NR1H3: variants seen among roughly 807,000 people sequenced by gnomAD.
The protein encoded by NR1H3 is oxysterols receptor LXR-alpha.
NR1H3 carries 19 observed loss-of-function variants against 48.1 expected under a neutral mutation model. The observed-to-expected ratio is 0.40, with a 90% CI of 0.28 to 0.58. The LOEUF (loss-of-function observed/expected upper bound fraction) is 0.58, where lower values mean the gene tolerates loss of function less well. NR1H3 is among the 20% of genes least tolerant of loss of function. The pLI is 0.50. For missense variants in NR1H3, 486 were observed against 595.9 expected, an observed-to-expected ratio of 0.82 and a Z score of 1.92; for synonymous variants, 232 against 227.3, an observed-to-expected ratio of 1.02 and a Z score of -0.19.
In NR1H3 at chr11:47,268,697, C is replaced by T; in HGVS notation, c.*1C>T. The T allele has an allele frequency of 6.2e-7, 1 of 1,613,552 alleles. No individual in the cohort carries two copies. The highest frequency in any genetic ancestry group is 1.1e-5 in the South Asian group (1 of 91,036). On this transcript the variant is annotated 3_prime_UTR_variant, in exon 10 of 10. Coordinates refer to ENST00000441012, the MANE Select transcript of NR1H3 (RefSeq NM_005693.4). ...TGAGATCTGGGATGTGCACGAATGA[C>T]TGTTCTGTCCCCATATTTTCTGTTT... is the stretch of plus-strand genomic sequence containing the variant.
At chr11:47,253,075 C>T (rs1253454680), upstream of NR1H3, among the ~76,000 whole-genome samples, 2 of 150,292 alleles carry the variant, frequency 1.3e-5, no homozygotes, top group African/African-American at 2.5e-5. Flanking sequence ...CCTCCTACCT[C>T]AGCCCCCCAA....
At chr11:47,248,766 C>G, upstream of NR1H3, 2 of 1,600,312 alleles carry the variant, frequency 1.2e-6, no homozygotes, top group Admixed American at 3.5e-5. Flanking sequence ...CCGCCCGGCT[C>G]CAGCCGGACC....
chr11:47,255,190 G>T (rs1019378965), upstream of NR1H3, among the ~76,000 whole-genome samples: 1 of 152,194 alleles, frequency 6.6e-6, no homozygotes, highest in African/African-American at 2.4e-5. Context: ...AGACAAGATT[G>T]TCCTGGACTC....
At chr11:47,248,975 G>A in exon 1 of NR1H3, 1 of 1,516,758 alleles carries the variant, frequency 6.6e-7, no homozygotes, top group Admixed American at 2.1e-5. Flanking sequence ...GTCGTGGTCT[G>A]GCTGTGGCGG....
At chr11:47,260,320 G>T in intron 3 of NR1H3, 89 bp from the exon 4 acceptor site, 1 of 1,493,478 alleles carries the variant, frequency 6.7e-7, no homozygotes. Context: ...GGGAATGAAG[G>T]TCACTGAGTG....
At chr11:47,250,731 T>C (rs919182955) in intron 1 of NR1H3, among the ~76,000 whole-genome samples, 2 of 152,228 alleles carry the variant, frequency 1.3e-5, no homozygotes, top group African/African-American at 4.8e-5. Flanking sequence ...TTATTACAGG[T>C]TTCATAAATC....
At chr11:47,255,892 C>T (rs1052074360), upstream of NR1H3, among the ~76,000 whole-genome samples, 1 of 151,348 alleles carries the variant, frequency 6.6e-6, no homozygotes, top group Non-Finnish European at 1.5e-5. Context: ...TGGTCTGGAA[C>T]TCCTGACCTC....
chr11:47,251,206 T>C (rs1954628878), intron 1 of NR1H3, among the ~76,000 whole-genome samples: 1 of 151,934 alleles, frequency 6.6e-6, no homozygotes, highest in African/African-American at 2.4e-5. Context: ...TAGTCTATAA[T>C]GGGCTGCTTC....
chr11:47,253,914 A>T (rs1954867961), upstream of NR1H3, among the ~76,000 whole-genome samples: 1 of 152,100 alleles, frequency 6.6e-6, no homozygotes, highest in South Asian at 2.1e-4. Context: ...TGGGAACATG[A>T]TTCCAGCTGC....
chr11:47,262,067 C>G (rs758742055), intron 7 of NR1H3, 49 bp downstream of exon 7: 1 of 1,372,876 alleles, frequency 7.3e-7, no homozygotes, highest in East Asian at 2.3e-5. Flanking sequence ...ACAGATGCTT[C>G]TTTTTTTATT....
In NR1H3 at chr11:47,268,594, C is replaced by A. The variant is rs780646226; in HGVS notation, c.1242C>A (p.Leu414=). The A allele has an allele frequency of 3.7e-6, 6 of 1,614,086 alleles. No individual in the cohort carries two copies. The highest frequency in any genetic ancestry group is 5.1e-6 in the Non-Finnish European group (6 of 1,180,040). The change falls in exon 10 of 10, where the codon CTC becomes CTA. Residue 414 remains leucine (L), a synonymous_variant. Coordinates refer to ENST00000441012, the MANE Select transcript of NR1H3 (RefSeq NM_005693.4). ...GGATGCTAATGAAACTGGTGAGCCT[C>A]CGGACCCTGAGCAGCGTCCACTCAG... The part of the protein sequence containing the change: ...FPRMLMKLVS[L]RTLSSVHSEQ...
chr11:47,248,510 C>T (rs1954315041), upstream of NR1H3: 2 of 1,551,126 alleles, frequency 1.3e-6, no homozygotes, highest in Non-Finnish European at 8.7e-7. Flanking sequence ...CATCCTGACT[C>T]CCATAAGCCA....
chr11:47,258,073 CCAGCAAGGGGGCTCCAG>C lies in NR1H3; in HGVS notation c.-93_-77del. The C allele has an allele frequency of 5.1e-6, 5 of 985,506 alleles. No homozygotes were observed. Among genetic ancestry groups the C allele is most frequent in the Non-Finnish European group, 6.0e-6 (5 of 830,100 alleles). 61.0% of individuals were successfully genotyped at this position (985,506 alleles called of 1,614,324 possible). On this transcript the variant is annotated 5_prime_UTR_variant, in exon 1 of 10. Coordinates refer to ENST00000441012, the MANE Select transcript of NR1H3 (RefSeq NM_005693.4). ...CAGGAAACTGCACCATCCTCTTCTC[CCAGCAAGGGGGCTCCAG>C]AGACTGCCCACCCAGGAAGTCTGGT...
chr11:47,261,364 C>G lies in NR1H3; in HGVS notation c.623C>G (p.Pro208Arg), dbSNP rs138301852. 103 of 1,614,114 alleles carry G rather than the reference C, an allele frequency of 6.4e-5. No homozygotes were observed. The African/African-American group carries it at 1.3e-3, about 20-fold the overall frequency. The change falls in exon 5 of 10, where the codon CCG becomes CGG. Residue 208 changes from proline (P) to arginine (R), a missense_variant. Transcript: ENST00000441012. ...CCCCAAATCCTGCCCCAGCTCAGCC[C>G]GGAACAACTGGGCATGATCGAGAAG... is the stretch of plus-strand genomic sequence containing the variant. ...SPPQILPQLS[P>R]EQLGMIEKLV...
At chr11:47,259,499 G>A (rs765481621) in intron 2 of NR1H3, 3 of 1,538,408 alleles carry the variant, frequency 2.0e-6, no homozygotes, top group African/African-American at 2.8e-5. Context: ...GGCCAGCTGA[G>A]TGCTTACCCT....
At chr11:47,267,486 C>T (rs941370257) in intron 7 of NR1H3, among the ~76,000 whole-genome samples, 1 of 151,372 alleles carries the variant, frequency 6.6e-6, no homozygotes, top group Admixed American at 6.6e-5. Flanking sequence ...GACATTTGCT[C>T]AAGGTTACAC....
At position 47,268,324 on chromosome 11, in the gene NR1H3, T is replaced by C. The variant is rs1159271979; in HGVS notation, c.1166T>C (p.Leu389Pro). ...ERLQHTYVEA[L>P]HAYVSIHHPH... is the part of the protein sequence containing the mutation. ...CTGCAGCACACATATGTGGAAGCCC[T>C]GCATGCCTACGTCTCCATCCACCAT... The change falls in exon 9 of 10, where the codon CTG becomes CCG. Residue 389 changes from leucine (L) to proline (P), a missense_variant. Coordinates refer to ENST00000441012, the MANE Select transcript of NR1H3 (RefSeq NM_005693.4). 6.2e-7 allele frequency: 1 copy of C among 1,614,136 alleles called. No individual in the cohort carries two copies. The highest frequency in any genetic ancestry group is 1.7e-5 in the Admixed American group (1 of 60,022).
intron 7 of NR1H3, among the ~76,000 whole-genome samples, chr11:47,263,923 T>C (rs1242108374): frequency 6.6e-6 from 1 of 152,124 alleles, no homozygotes; most frequent in Non-Finnish European, 1.5e-5. Flanking sequence ...TCTTTTTCAA[T>C]TGCACTTTCT....
Position 47,260,457 on chromosome 11 carries a change from G to C in NR1H3, c.281G>C (p.Gly94Ala), listed in dbSNP as rs765714521. 1 of 1,614,132 alleles carries C rather than the reference G, an allele frequency of 6.2e-7. No individual in the cohort carries two copies. The highest frequency in any genetic ancestry group is 1.1e-5 in the South Asian group (1 of 91,082). ...RKKGPAPKML[G>A]NELCSVCGDK... ...AAGGGGCCAGCCCCCAAAATGCTGG[G>C]GAACGAGCTATGCAGCGTGTGTGGG... is the stretch of plus-strand genomic sequence containing the variant. Residue 94 changes from glycine (G) to alanine (A), a missense_variant, in exon 4 of 10, where the codon GGG (glycine) becomes GCG (alanine). Gly to Ala is a moderately conservative substitution (Grantham distance 60, BLOSUM62 0). Coordinates refer to ENST00000441012, the MANE Select transcript of NR1H3 (RefSeq NM_005693.4).
Sources: allele counts gnomAD v4.1 joint callset (sites outside exome capture counted in the v4.1 genomes callset), GRCh38; gene constraint gnomAD v4.1.1; transcripts MANE v1.5; gene names NCBI Gene and HGNC (gene_info 2026-07-23, HGNC 2026-07-21).